Variants in SUZ12 observed in about 807,000 individuals in gnomAD.
SUZ12 encodes the protein SUZ12 polycomb repressive complex 2 subunit.
SUZ12 carries 17 observed loss-of-function variants against 87.3 expected under a neutral mutation model. The ratio of observed to expected loss-of-function variants is 0.19; its 90% CI spans 0.13 to 0.29. The LOEUF (loss-of-function observed/expected upper bound fraction) is 0.29, where lower values mean the gene tolerates loss of function less well. Ranked by LOEUF, SUZ12 falls within the 10% of genes least tolerant of loss-of-function variation. SUZ12 has a pLI of 1.00. For missense variants in SUZ12, 526 were observed against 912.2 expected, an observed-to-expected ratio of 0.58 and a Z score of 5.45; for synonymous variants, 253 against 312.4, an observed-to-expected ratio of 0.81 and a Z score of 2.01.
intron 10 of SUZ12, 67 bp downstream of exon 10, chr17:31,988,564 T>G: frequency 1.4e-6 from 2 of 1,416,348 alleles, no homozygotes; most frequent in Non-Finnish European, 1.9e-6. Flanking sequence ...TGCTTTAGAT[T>G]AATTCATTTG....
intron 9 of SUZ12, among the ~76,000 whole-genome samples, chr17:31,987,274 T>C (rs1909469371): frequency 6.6e-6 from 1 of 152,208 alleles, no homozygotes; most frequent in African/African-American, 2.4e-5. Flanking sequence ...CTTCTAAACA[T>C]GTTTTAGTTC....
intron 8 of SUZ12, among the ~76,000 whole-genome samples, chr17:31,980,411 T>C (rs1341286425): frequency 7.1e-5 from 10 of 139,958 alleles, no homozygotes; most frequent in East Asian, 5.1e-4. Flanking sequence ...TAGTAAGATA[T>C]ACCAGAATCA....
At chr17:31,988,648 A>G (rs1909539405) in intron 10 of SUZ12, 151 bp downstream of exon 10, 1 of 805,842 alleles carries the variant, frequency 1.2e-6, no homozygotes, top group Admixed American at 3.5e-5. Flanking sequence ...GCAGGAGTGC[A>G]GTAGCGTGAT....
intron 8 of SUZ12, among the ~76,000 whole-genome samples, chr17:31,979,103 C>CAA (rs61307349): frequency 0.023 from 1,502 of 64,224 alleles, 30 homozygotes; most frequent in East Asian, 0.026. Context: ...ACTGTGTCTC[C>CAA]AAAAAAAAAA....
chr17:31,991,082 A>C (rs1006633441), intron 10 of SUZ12, among the ~76,000 whole-genome samples: 2 of 152,160 alleles, frequency 1.3e-5, no homozygotes, highest in Admixed American at 1.3e-4. Flanking sequence ...CAGTAGGTAC[A>C]TTGTCCTTGA....
rs746988199 is a variant in SUZ12 at position 31,988,308 on chromosome 17, T to C, written c.1024-12T>C. 1.3e-6 allele frequency: 2 copies of C among 1,532,682 alleles called. No homozygotes were observed. Among genetic ancestry groups the C allele is most frequent in the Admixed American group, 4.6e-5 (2 of 43,172 alleles). The allele number at this position is 1,532,682 out of a possible 1,614,324, so 94.9% of individuals were successfully genotyped here. Reference sequence around the variant, plus strand: ...CTGAGTCTCCAGTCTTTGCATGTTTTTTATTTTTTAGAGGCTGCCTCCATT... The same window carrying C: ...CTGAGTCTCCAGTCTTTGCATGTTTCTTATTTTTTAGAGGCTGCCTCCATT... On this transcript the variant is annotated splice_polypyrimidine_tract_variant and intron_variant, in intron 9 of 15. Transcript: ENST00000322652.
At chr17:31,990,282 T>C (rs1358172178) in intron 10 of SUZ12, among the ~76,000 whole-genome samples, 2 of 151,286 alleles carry the variant, frequency 1.3e-5, no homozygotes, top group Non-Finnish European at 2.9e-5. Context: ...CTAACTTTTT[T>C]TGTATTTTTA....
intron 10 of SUZ12, 151 bp from the exon 11 acceptor site, chr17:31,993,091 C>G (rs1179324988): frequency 3.8e-6 from 2 of 520,348 alleles, no homozygotes; most frequent in Admixed American, 4.1e-5. Context: ...ATTTTTCCTG[C>G]GATCATCAGT....
chr17:31,994,007 T>C lies in SUZ12; in HGVS notation c.1436T>C (p.Val479Ala). The change falls in exon 12 of 16, where the codon GTT (valine) becomes GCT (alanine). Residue 479 changes from valine to alanine, a missense_variant and splice_region_variant. Coordinates refer to ENST00000322652, the MANE Select transcript of SUZ12 (RefSeq NM_015355.4). ...LCHSRFIFNY[V>A]YHPKGARIDV... Reference sequence around the variant, plus strand: ...CATAGCAGATTTATCTTCAACTATGTTGTGAGTAATTTTTCATATTTTCTC... The same window carrying C: ...CATAGCAGATTTATCTTCAACTATGCTGTGAGTAATTTTTCATATTTTCTC... 1.2e-6 allele frequency: 2 copies of C among 1,609,252 alleles called. No homozygotes were observed. Among genetic ancestry groups the C allele is most frequent in the African/African-American group, 1.3e-5 (1 of 74,746 alleles).
At chr17:31,939,592 C>T (rs1460690148) in intron 1 of SUZ12, among the ~76,000 whole-genome samples, 1 of 151,184 alleles carries the variant, frequency 6.6e-6, no homozygotes, top group African/African-American at 2.4e-5. Context: ...GACGCGATCT[C>T]GGCTCACGGC....
At chr17:31,960,404 T>G (rs1292533508) in intron 4 of SUZ12, among the ~76,000 whole-genome samples, 2 of 151,742 alleles carry the variant, frequency 1.3e-5, no homozygotes, top group Non-Finnish European at 2.9e-5. Context: ...AGAGATGAGG[T>G]TTCACCACGT....
At chr17:31,976,200 T>C (rs2142179687) in intron 7 of SUZ12, among the ~76,000 whole-genome samples, 1 of 152,212 alleles carries the variant, frequency 6.6e-6, no homozygotes, top group East Asian at 1.9e-4. Context: ...GAGAAACACG[T>C]TGGAAAAAAT....
chr17:31,954,673 A>G (rs1402345963), intron 4 of SUZ12, among the ~76,000 whole-genome samples: 2 of 152,180 alleles, frequency 1.3e-5, no homozygotes, highest in Non-Finnish European at 2.9e-5. Flanking sequence ...AAAACAGGAG[A>G]ACCAGCTTTC....
chr17:31,980,751 C>T (rs960731971), intron 8 of SUZ12, among the ~76,000 whole-genome samples: 1 of 151,960 alleles, frequency 6.6e-6, no homozygotes, highest in Non-Finnish European at 1.5e-5. Context: ...CCCCGGCCTA[C>T]CTTCTTCTTT....
chr17:31,998,957 ATAGT>A lies in SUZ12; in HGVS notation c.2175_2178del (p.Asp725GlufsTer18). 6.2e-7 allele frequency: 1 copy of A among 1,603,966 alleles called. No homozygotes were observed. The highest frequency in any genetic ancestry group is 8.5e-7 in the Non-Finnish European group (1 of 1,176,814). ...TCAAAAGAGAAAGCTTTGGAAACAGATAGTGTCTCAGGGGTTTCAAAACAGAGCA... is the reference window on the plus strand; with the variant it reads ...TCAAAAGAGAAAGCTTTGGAAACAGAGTCTCAGGGGTTTCAAAACAGAGCA... On this transcript the variant is annotated frameshift_variant, in exon 16 of 16. Coordinates refer to ENST00000322652, the MANE Select transcript of SUZ12 (RefSeq NM_015355.4). LOFTEE classifies it high-confidence loss of function.
At chr17:31,951,350 T>C (rs1374199828) in intron 4 of SUZ12, among the ~76,000 whole-genome samples, 1 of 152,226 alleles carries the variant, frequency 6.6e-6, no homozygotes, top group East Asian at 1.9e-4. Flanking sequence ...ATATGAGCAT[T>C]ATCTGTTCAA....
rs1238596308 is a variant in SUZ12 at position 31,964,536 on chromosome 17, A to G, written c.456-1611A>G. On this transcript the variant is annotated intron_variant, in intron 4 of 15. Coordinates refer to ENST00000322652, the MANE Select transcript of SUZ12 (RefSeq NM_015355.4). Reference sequence around the variant, plus strand: ...ATTCTCCTGCCTCGGCCTCCTGAGTAGCTGAGACTACAGCCATGTGCCACC... The same window carrying G: ...ATTCTCCTGCCTCGGCCTCCTGAGTGGCTGAGACTACAGCCATGTGCCACC... 2.0e-5 allele frequency among the ~76,000 whole-genome samples: 3 copies of G among 151,614 alleles called. No homozygotes were observed. In the East Asian group the frequency reaches 5.9e-4, roughly 30 times the overall value.
intron 4 of SUZ12, among the ~76,000 whole-genome samples, chr17:31,953,304 G>T (rs976815737): frequency 1.1e-4 from 17 of 151,860 alleles, no homozygotes; most frequent in African/African-American, 3.9e-4. Context: ...TAGAGACAGG[G>T]TTTCACCTAT....
intron 5 of SUZ12, among the ~76,000 whole-genome samples, 170 bp from the exon 6 acceptor site, chr17:31,972,976 A>G (rs1159169133): frequency 6.6e-6 from 1 of 151,766 alleles, no homozygotes; most frequent in Non-Finnish European, 1.5e-5. Flanking sequence ...AAAGGCTTTT[A>G]AAGAGTTTGC....
Sources: allele counts gnomAD v4.1 joint callset (sites outside exome capture counted in the v4.1 genomes callset), GRCh38; gene constraint gnomAD v4.1.1; transcripts MANE v1.5; gene names NCBI Gene and HGNC (gene_info 2026-07-23, HGNC 2026-07-21).